The following INVS variants were observed in gnomAD, a reference collection of about 807,000 sequenced individuals.
INVS encodes inversin.
In INVS, 86 loss-of-function variants were observed where a neutral mutation model predicts 108.8. That is an observed-to-expected ratio of 0.79 (90% confidence interval 0.66 to 0.95). The LOEUF (loss-of-function observed/expected upper bound fraction) is 0.95. Ranked by LOEUF, INVS falls within the 40% of genes least tolerant of loss-of-function variation. The probability of loss-of-function intolerance (pLI) is 0.00; values close to 1 mark genes in which losing one functional copy is unlikely to be tolerated. For missense variants in INVS, 1,169 were observed against 1,297.4 expected, an observed-to-expected ratio of 0.90 and a Z score of 1.52; for synonymous variants, 455 against 473.5, an observed-to-expected ratio of 0.96 and a Z score of 0.51.
In INVS at chr9:100,284,527, G is replaced by A. The variant is rs769810980; in HGVS notation, c.1992G>A (p.Gly664=). Residue 664 remains glycine (G), a synonymous_variant, in exon 13 of 17, where the codon GGG becomes GGA. Coordinates refer to ENST00000262457, the MANE Select transcript of INVS (RefSeq NM_014425.5). ...EPRDSRGSPG[G]SLGGALQKEQ... ...GAGACAGCAGAGGATCTCCAGGAGG[G>A]TCTCTAGGCGGAGCCCTCCAGAAGG... The A allele has an allele frequency of 2.4e-5, 38 of 1,613,904 alleles. No individual in the cohort carries two copies. The highest frequency in any genetic ancestry group is 3.2e-5 in the Non-Finnish European group (38 of 1,179,932).
At chr9:100,114,524 C>G (rs965364980) in intron 2 of INVS, among the ~76,000 whole-genome samples, 3 of 150,720 alleles carry the variant, frequency 2.0e-5, no homozygotes, top group African/African-American at 7.3e-5. Flanking sequence ...ACCTCAGCCT[C>G]CTGAGTAGCT....
chr9:100,292,685 C>T lies in INVS; in HGVS notation c.2428C>T (p.Arg810Cys), dbSNP rs984016152. The change falls in exon 14 of 17, where the codon CGC becomes TGC. Residue 810 changes from arginine (R) to cysteine (C), a missense_variant. Physicochemically the swap from Arg to Cys is radical, Grantham distance 180. Transcript: ENST00000262457. ...GGRCSPAGSS[R>C]PGSARGEAVH... ...AAGGTGCTCTCCGGCTGGTTCTAGCCGCCCTGGCAGTGCCCGGGGGGAGGC... is the reference window on the plus strand; with the variant it reads ...AAGGTGCTCTCCGGCTGGTTCTAGCTGCCCTGGCAGTGCCCGGGGGGAGGC... 8 of 1,614,150 alleles carry T rather than the reference C, an allele frequency of 5.0e-6. No individual in the cohort carries two copies. The highest frequency in any genetic ancestry group is 3.3e-5 in the Admixed American group (2 of 60,018).
intron 3 of INVS, among the ~76,000 whole-genome samples, chr9:100,189,062 G>C (rs1196501910): frequency 7.2e-6 from 1 of 138,402 alleles, no homozygotes; most frequent in East Asian, 2.1e-4. Context: ...AGATATTGCT[G>C]TAGTGTCTCC....
chr9:100,202,318 G>A (rs1432482382), intron 3 of INVS, among the ~76,000 whole-genome samples: 1 of 152,048 alleles, frequency 6.6e-6, no homozygotes, highest in Non-Finnish European at 1.5e-5. Flanking sequence ...AATACATGGA[G>A]GAATTGAAAT....
intron 13 of INVS, among the ~76,000 whole-genome samples, chr9:100,286,161 G>A (rs540659804): frequency 1.2e-4 from 18 of 152,232 alleles, no homozygotes; most frequent in African/African-American, 4.1e-4. Context: ...TTCATGTAGT[G>A]TACTTGTTAT....
intron 3 of INVS, among the ~76,000 whole-genome samples, chr9:100,214,056 G>T (rs1830914878): frequency 6.6e-6 from 1 of 152,144 alleles, no homozygotes; most frequent in Admixed American, 6.5e-5. Flanking sequence ...TACCAAGAGA[G>T]ACTAGGACCA....
chr9:100,236,713 C>G (rs1831698237), intron 5 of INVS, among the ~76,000 whole-genome samples: 1 of 152,170 alleles, frequency 6.6e-6, no homozygotes, highest in African/African-American at 2.4e-5. Context: ...AGATTGCTGC[C>G]TGTTCTTTCC....
chr9:100,281,127 T>C (rs991864324), intron 12 of INVS, among the ~76,000 whole-genome samples: 2 of 152,202 alleles, frequency 1.3e-5, no homozygotes, highest in African/African-American at 4.8e-5. Context: ...ATTTTTTAAA[T>C]AATGGAAGAA....
Position 100,292,720 on chromosome 9 carries a change from TG to T in INVS, c.2466del (p.Gln823ArgfsTer13), listed in dbSNP as rs1833662360. The T allele has an allele frequency of 6.2e-7, 1 of 1,614,108 alleles. No homozygotes were observed. Among genetic ancestry groups the T allele is most frequent in the African/African-American group, 1.3e-5 (1 of 75,006 alleles). Reference protein sequence around the residue: ...GSARGEAVHAGQNPPHHRTPR... With the variant: ...GSARGEAVHAXQNPPHHRTPR... ...GTGCCCGGGGGGAGGCGGTCCATGC[TG>T]GGCAGAATCCTCCCCACCATCGTAC... On this transcript the variant is annotated frameshift_variant, in exon 14 of 17. Transcript: ENST00000262457. LOFTEE classifies it high-confidence loss of function.
At chr9:100,158,226 T>C (rs186036410) in intron 3 of INVS, among the ~76,000 whole-genome samples, 39 of 152,340 alleles carry the variant, frequency 2.6e-4, no homozygotes, top group Admixed American at 2.4e-3. Context: ...TCAGGGGAAT[T>C]CTATTATCTC....
chr9:100,275,172 CCT>C (rs1192362119), intron 12 of INVS, among the ~76,000 whole-genome samples: 6 of 152,180 alleles, frequency 3.9e-5, no homozygotes, highest in Admixed American at 2.6e-4. Flanking sequence ...CCTCTACACC[CCT>C]CTTTTTCCAG....
At chr9:100,296,323 T>C (rs1255540213) in intron 14 of INVS, among the ~76,000 whole-genome samples, 1 of 152,146 alleles carries the variant, frequency 6.6e-6, no homozygotes, top group Non-Finnish European at 1.5e-5. Context: ...ATCATCCCCA[T>C]TCCTCACCCA....
chr9:100,248,458 T>C (rs1044059002), intron 8 of INVS, among the ~76,000 whole-genome samples: 2 of 151,792 alleles, frequency 1.3e-5, no homozygotes, highest in African/African-American at 4.8e-5. Context: ...TTCCTCTCCG[T>C]CATCCCTCTA....
At chr9:100,236,833 G>T (rs1285624370) in intron 5 of INVS, among the ~76,000 whole-genome samples, 1 of 152,216 alleles carries the variant, frequency 6.6e-6, no homozygotes. Context: ...GGAGGCACAG[G>T]AGTCAGGGAC....
rs570040877 is a variant in INVS, at chr9:100,135,613, T to C, written c.273+9064T>C. Among the ~76,000 whole-genome samples, 3 of 152,340 alleles carry C rather than the reference T, an allele frequency of 2.0e-5. No homozygotes were observed. In the East Asian group the frequency reaches 5.8e-4, roughly 29 times the overall value. ...CTATCCTGTTTTACTGGGGACTCTT[T>C]TGACTGGTATTCCTAGCTCTTGATG... On this transcript the variant is annotated intron_variant, in intron 3 of 16. Transcript: ENST00000262457.
chr9:100,103,172 T>C (rs1827057662), intron 1 of INVS, among the ~76,000 whole-genome samples: 1 of 152,056 alleles, frequency 6.6e-6, no homozygotes, highest in South Asian at 2.1e-4. Flanking sequence ...TTTTTTATTT[T>C]TTTCTGAGTC....
Position 100,104,639 on chromosome 9 carries a change from C to T in INVS, c.106+12C>T, listed in dbSNP as rs755782952. On this transcript the variant is annotated intron_variant, in intron 2 of 16. Coordinates refer to ENST00000262457, the MANE Select transcript of INVS (RefSeq NM_014425.5). ...GAGGCTCATCGTAGGTAAGCAGTCC[C>T]CTTAAGTACAGAAACTTTAAAAGCA... 6.4e-7 allele frequency: 1 copy of T among 1,572,670 alleles called. No homozygotes were observed. Among genetic ancestry groups the T allele is most frequent in the Admixed American group, 1.7e-5 (1 of 59,966 alleles).
chr9:100,292,174 G>A (rs1015659231), intron 13 of INVS, 152 bp from the exon 14 acceptor site: 2 of 736,804 alleles, frequency 2.7e-6, no homozygotes, highest in African/African-American at 3.5e-5. Flanking sequence ...CCATATTGCT[G>A]GAAATAGAAG....
chr9:100,128,374 C>G (rs1827951393), intron 3 of INVS, among the ~76,000 whole-genome samples: 1 of 152,130 alleles, frequency 6.6e-6, no homozygotes, highest in Non-Finnish European at 1.5e-5. Flanking sequence ...TCCTTCCTTA[C>G]TCTGTGTTGC....
Sources: gnomAD v4.1 joint callset for allele counts (sites outside exome capture counted in the v4.1 genomes callset) on GRCh38, gnomAD v4.1.1 for gene constraint, MANE v1.5 for transcripts, NCBI Gene and HGNC (gene_info 2026-07-23, HGNC 2026-07-21) for gene names.